The following KCNN2 variants were observed in gnomAD, a reference collection of about 807,000 sequenced individuals.
KCNN2 encodes small conductance calcium-activated potassium channel protein 2.
In KCNN2, 24 loss-of-function variants were observed where a neutral mutation model predicts 55.5. The observed-to-expected ratio is 0.43, with a 90% CI of 0.31 to 0.61. The LOEUF (loss-of-function observed/expected upper bound fraction) is 0.61, where lower values mean the gene tolerates loss of function less well. Ranked by LOEUF, KCNN2 falls within the 20% of genes least tolerant of loss-of-function variation. The pLI, the probability that KCNN2 is intolerant of heterozygous loss-of-function variation, is 0.08. For missense variants in KCNN2, 754 were observed against 853.6 expected (o/e 0.88, Z 1.45); for synonymous variants, 431 against 336.1 (o/e 1.28, Z -3.09).
intron 2 of KCNN2, among the ~76,000 whole-genome samples, chr5:114,397,853 T>C (rs962497659): frequency 6.6e-6 from 1 of 152,244 alleles, no homozygotes; most frequent in South Asian, 2.1e-4. Context: ...AGTCTGTTCA[T>C]GTCCTTTGCC....
At chr5:114,236,906 T>C (rs1384733948) in intron 2 of KCNN2, among the ~76,000 whole-genome samples, 1 of 152,160 alleles carries the variant, frequency 6.6e-6, no homozygotes, top group Non-Finnish European at 1.5e-5. Context: ...TTAGCTAAGA[T>C]TCATCATATT....
At chr5:114,438,138 A>G (rs1019473019) in intron 3 of KCNN2, among the ~76,000 whole-genome samples, 2 of 152,140 alleles carry the variant, frequency 1.3e-5, no homozygotes, top group African/African-American at 4.8e-5. Flanking sequence ...AATCTGCCAC[A>G]TTTGAGTGTT....
rs574745880 is a variant in KCNN2, at chr5:114,386,392, G to T, written c.1219-18046G>T. Among the ~76,000 whole-genome samples the T allele has an allele frequency of 7.2e-4, 110 of 152,060 alleles. 1 individual carries two copies. The highest frequency in any genetic ancestry group is 2.0e-3 in the African/African-American group (83 of 41,458). On this transcript the variant is annotated intron_variant, in intron 2 of 7. Transcript: ENST00000673685. ...CAGGGGCTGGTATATGATATAAGCA[G>T]AAAAAACAATTGTTCAATTAAATTT...
intron 1 of KCNN2, among the ~76,000 whole-genome samples, chr5:114,074,302 G>GTC (rs1320051631): frequency 2.1e-5 from 3 of 139,574 alleles, no homozygotes; most frequent in Non-Finnish European, 4.6e-5. Flanking sequence ...GCGTGTGTGT[G>GTC]TGTGTGTGTG....
intron 3 of KCNN2, among the ~76,000 whole-genome samples, chr5:114,418,150 GA>G (rs1166021261): frequency 2.6e-5 from 4 of 152,086 alleles, no homozygotes; most frequent in African/African-American, 4.8e-5. Flanking sequence ...CATTAAGTGT[GA>G]AAAAAATTCT....
chr5:114,414,313 A>G (rs1435731104), intron 3 of KCNN2, among the ~76,000 whole-genome samples: 2 of 152,164 alleles, frequency 1.3e-5, no homozygotes, highest in Admixed American at 6.5e-5. Context: ...GGACTTGCTT[A>G]CTATTATGAG....
chr5:114,255,206 C>T (rs142794646), intron 2 of KCNN2, among the ~76,000 whole-genome samples: 32 of 152,138 alleles, frequency 2.1e-4, no homozygotes, highest in African/African-American at 6.7e-4. Flanking sequence ...GAGTTTATCA[C>T]CCGAGACAGA....
chr5:114,383,672 T>C (rs543713506), intron 2 of KCNN2, among the ~76,000 whole-genome samples: 75 of 152,236 alleles, frequency 4.9e-4, no homozygotes, highest in African/African-American at 1.7e-3. Context: ...TTTGCCATGT[T>C]GGCCAGGCTG....
intron 2 of KCNN2, among the ~76,000 whole-genome samples, chr5:114,237,828 G>C (rs1020390532): frequency 1.3e-5 from 2 of 152,172 alleles, no homozygotes; most frequent in Non-Finnish European, 2.9e-5. Context: ...GCCTTCTACG[G>C]GTTGGGAGAG....
chr5:114,170,354 G>A (rs372656357), intron 1 of KCNN2, among the ~76,000 whole-genome samples: 4 of 151,880 alleles, frequency 2.6e-5, no homozygotes, highest in African/African-American at 9.7e-5. Context: ...ATCCTATATG[G>A]GTTTTATTGA....
At chr5:114,348,286 G>A (rs562855659) in intron 2 of KCNN2, among the ~76,000 whole-genome samples, 1 of 131,456 alleles carries the variant, frequency 7.6e-6, no homozygotes, top group Non-Finnish European at 1.6e-5. Context: ...CGAGGGGGAG[G>A]GGGGAGGGAG....
chr5:114,175,227 T>G (rs1471144303), intron 1 of KCNN2, among the ~76,000 whole-genome samples: 1 of 152,184 alleles, frequency 6.6e-6, no homozygotes, highest in Non-Finnish European at 1.5e-5. Flanking sequence ...TTGGTATTAT[T>G]CTCACACATA....
intron 2 of KCNN2, among the ~76,000 whole-genome samples, chr5:114,245,689 T>TG (rs1332893170): frequency 2.0e-5 from 3 of 151,916 alleles, no homozygotes; most frequent in Non-Finnish European, 4.4e-5. Flanking sequence ...AAAAAACCCC[T>TG]AAAAACAAAA....
intron 2 of KCNN2, among the ~76,000 whole-genome samples, chr5:114,299,809 C>T (rs1446743964): frequency 1.3e-5 from 2 of 152,152 alleles, no homozygotes; most frequent in Non-Finnish European, 2.9e-5. Flanking sequence ...CATGGCAACC[C>T]AGTTAGGTTC....
At chr5:114,201,024 T>G (rs549643232) in intron 1 of KCNN2, among the ~76,000 whole-genome samples, 17 of 151,954 alleles carry the variant, frequency 1.1e-4, no homozygotes, top group Non-Finnish European at 2.1e-4. Context: ...GAGCTTGTAG[T>G]GGGAGTGGTG....
At chr5:114,211,952 TTTATA>T (rs543946718) in intron 1 of KCNN2, among the ~76,000 whole-genome samples, 92 of 151,170 alleles carry the variant, frequency 6.1e-4, no homozygotes, top group Non-Finnish European at 9.7e-4. Context: ...AAATATTTCC[TTTATA>T]TTAAAGTATA....
intron 2 of KCNN2, among the ~76,000 whole-genome samples, chr5:114,332,833 C>T (rs1230526372): frequency 6.6e-6 from 1 of 152,196 alleles, no homozygotes; most frequent in Admixed American, 6.5e-5. Context: ...TCTTTCCTAA[C>T]TTTCCACCTG....
At chr5:114,309,523 C>A (rs1270686688) in intron 2 of KCNN2, among the ~76,000 whole-genome samples, 1 of 152,084 alleles carries the variant, frequency 6.6e-6, no homozygotes, top group Non-Finnish European at 1.5e-5. Context: ...CATGAGGCAA[C>A]AATTGTTTAG....
chr5:114,138,672 C>A (rs1465809510), intron 1 of KCNN2, among the ~76,000 whole-genome samples: 1 of 152,146 alleles, frequency 6.6e-6, no homozygotes, highest in Non-Finnish European at 1.5e-5. Context: ...TTCTCTCATA[C>A]CTGAATGAGA....
Sources: gnomAD v4.1 joint callset for allele counts (sites outside exome capture counted in the v4.1 genomes callset) on GRCh38, gnomAD v4.1.1 for gene constraint, MANE v1.5 for transcripts, NCBI Gene and HGNC (gene_info 2026-07-23, HGNC 2026-07-21) for gene names.